Variants in SLC26A5 observed in about 807,000 individuals in gnomAD.
SLC26A5 encodes the protein prestin.
Under a neutral mutation model 81.0 loss-of-function variants are expected in SLC26A5, and 51 were observed. That is an observed-to-expected ratio of 0.63 (90% CI 0.50 to 0.80). The LOEUF (loss-of-function observed/expected upper bound fraction) is 0.80. Among genes scored for constraint, SLC26A5 ranks in the 30% least tolerant of loss-of-function variants. SLC26A5 has a pLI of 0.00. For synonymous variants in SLC26A5, 325 were observed against 332.8 expected (o/e 0.98, Z 0.25); for missense variants, 771 against 905.8 (o/e 0.85, Z 1.91).
At chr7:103,366,264 A>T in intron 19 of SLC26A5, 6 of 1,031,716 alleles carry the variant, frequency 5.8e-6, no homozygotes, top group Non-Finnish European at 8.8e-6. Context: ...TTTTAACTCC[A>T]ACTCTTCTAT....
Position 103,413,042 on chromosome 7 carries a change from G to A in SLC26A5, c.363C>T (p.Ile121=). The part of the protein sequence containing the change: ...FGLYSSFYPV[I]MYCFLGTSRH... The stretch of plus-strand genomic sequence containing the variant: ...TGGAGGTTCCAAGAAAACAATACAT[G>A]ATAACAGGGTAAAATGAAGAGTACA... The change falls in exon 5 of 20, where the codon ATC becomes ATT. Residue 121 remains isoleucine (I), a synonymous_variant. Coordinates refer to ENST00000306312, the MANE Select transcript of SLC26A5 (RefSeq NM_198999.3). 1 of 1,613,718 alleles carries A rather than the reference G, an allele frequency of 6.2e-7. No individual in the cohort carries two copies. The highest frequency in any genetic ancestry group is 8.5e-7 in the Non-Finnish European group (1 of 1,179,686).
intron 8 of SLC26A5, among the ~76,000 whole-genome samples, chr7:103,399,409 G>A (rs10232975): frequency 0.025 from 3,797 of 152,174 alleles, 148 homozygotes; most frequent in African/African-American, 0.087. Context: ...GATACATTTC[G>A]TTTTGTTTTG....
intron 19 of SLC26A5, among the ~76,000 whole-genome samples, chr7:103,364,974 TATATATA>T (rs1195252454): frequency 7.6e-5 from 11 of 145,148 alleles, no homozygotes; most frequent in Non-Finnish European, 1.4e-4. Flanking sequence ...TATATATATA[TATATATA>T]TATTTAGAGA....
intron 4 of SLC26A5, among the ~76,000 whole-genome samples, chr7:103,420,289 CTTTTTTTT>C (rs35755959): frequency 4.4e-5 from 4 of 90,578 alleles, no homozygotes; most frequent in Admixed American, 2.7e-4. Flanking sequence ...ATCCCTGGAG[CTTTTTTTT>C]TTTTTTTTTT....
At chr7:103,427,428 A>G (rs1051481226) in intron 2 of SLC26A5, among the ~76,000 whole-genome samples, 1 of 151,608 alleles carries the variant, frequency 6.6e-6, no homozygotes, top group Non-Finnish European at 1.5e-5. Context: ...CACTTTGTAG[A>G]TGAGAAAATG....
intron 9 of SLC26A5, among the ~76,000 whole-genome samples, chr7:103,397,401 C>T (rs1218395964): frequency 1.5e-4 from 23 of 151,342 alleles, no homozygotes; most frequent in Middle Eastern, 3.4e-3. Flanking sequence ...ATCAGCCGGG[C>T]GTGGTGGCGG....
At chr7:103,375,173 T>C (rs1449059667) in intron 19 of SLC26A5, among the ~76,000 whole-genome samples, 1 of 149,662 alleles carries the variant, frequency 6.7e-6, no homozygotes, top group Non-Finnish European at 1.5e-5. Flanking sequence ...TATATATATA[T>C]AAACTATATA....
intron 14 of SLC26A5, among the ~76,000 whole-genome samples, chr7:103,385,931 C>CTTTTT (rs201817253): frequency 9.0e-5 from 13 of 144,578 alleles, no homozygotes; most frequent in African/African-American, 3.1e-4. Flanking sequence ...TTTTTTCTTT[C>CTTTTT]TTTCTTTTTT....
intron 19 of SLC26A5, chr7:103,354,806 C>A: frequency 9.6e-7 from 1 of 1,045,414 alleles, no homozygotes; most frequent in Non-Finnish European, 1.5e-6. Flanking sequence ...TAATTTTTAC[C>A]TGTAGTTTTA....
chr7:103,421,244 G>T, intron 3 of SLC26A5, 119 bp downstream of exon 3: 2 of 1,143,038 alleles, frequency 1.7e-6, no homozygotes, highest in Non-Finnish European at 2.6e-6. Flanking sequence ...TGCAAACCAT[G>T]ATGGCTCAGC....
chr7:103,442,701 C>A (rs1384241889), intron 2 of SLC26A5, among the ~76,000 whole-genome samples: 1 of 152,188 alleles, frequency 6.6e-6, no homozygotes, highest in African/African-American at 2.4e-5. Flanking sequence ...AAGAATTTAA[C>A]TAACCTGTGA....
chr7:103,372,034 C>T (rs901711516), downstream of SLC26A5, among the ~76,000 whole-genome samples: 1 of 152,176 alleles, frequency 6.6e-6, no homozygotes, highest in Non-Finnish European at 1.5e-5. Context: ...TTAAATTCTA[C>T]TTAAATGGCT....
At position 103,374,474 on chromosome 7, in the gene SLC26A5, A is replaced by G. The variant is rs1330244995; in HGVS notation, c.2160T>C (p.Ala720=). 2.5e-6 allele frequency: 4 copies of G among 1,613,564 alleles called. No individual in the cohort carries two copies. The South Asian group carries it at 4.4e-5, about 18-fold the overall frequency. ...VLGSQLREAL[A]EQEASAPPSQ... ...AAGGGGGAGCCGAGGCTTCCTGTTC[A>G]GCAAGTGCCTCTCTAAGTTGGCTGC... Residue 720 remains alanine, a synonymous_variant, in exon 20 of 20, where the codon GCT becomes GCC. Coordinates refer to ENST00000306312, the MANE Select transcript of SLC26A5 (RefSeq NM_198999.3).
At chr7:103,361,209 TGTG>T (rs1375827670) in intron 19 of SLC26A5, among the ~76,000 whole-genome samples, 3 of 151,234 alleles carry the variant, frequency 2.0e-5, no homozygotes, top group African/African-American at 7.3e-5. Flanking sequence ...AAAGTCCGGG[TGTG>T]GTGGCTCACG....
At chr7:103,432,952 AC>A (rs954985230) in intron 2 of SLC26A5, among the ~76,000 whole-genome samples, 1 of 152,048 alleles carries the variant, frequency 6.6e-6, no homozygotes, top group Non-Finnish European at 1.5e-5. Context: ...ATAATTTTGA[AC>A]CTAATTTCTG....
At chr7:103,365,877 G>A (rs376297931) in intron 19 of SLC26A5, among the ~76,000 whole-genome samples, 6 of 151,640 alleles carry the variant, frequency 4.0e-5, no homozygotes, top group South Asian at 4.2e-4. Flanking sequence ...GCAGTGAGCC[G>A]AGCTCGCACC....
chr7:103,405,884 G>A (rs1824008347), intron 8 of SLC26A5, among the ~76,000 whole-genome samples: 1 of 152,188 alleles, frequency 6.6e-6, no homozygotes, highest in Non-Finnish European at 1.5e-5. Context: ...GCCCAGAGAG[G>A]AGGAATCTAG....
intron 2 of SLC26A5, among the ~76,000 whole-genome samples, chr7:103,429,624 C>T (rs989986839): frequency 6.6e-6 from 1 of 152,200 alleles, no homozygotes. Flanking sequence ...AATATATTAT[C>T]TATCTGTTTT....
chr7:103,434,116 C>G (rs1826278670), intron 2 of SLC26A5, among the ~76,000 whole-genome samples: 1 of 152,148 alleles, frequency 6.6e-6, no homozygotes, highest in Non-Finnish European at 1.5e-5. Context: ...TTGCTTTATA[C>G]CCTCATTTTG....
Sources: gnomAD v4.1 joint callset for allele counts (sites outside exome capture counted in the v4.1 genomes callset) on GRCh38, gnomAD v4.1.1 for gene constraint, MANE v1.5 for transcripts, NCBI Gene and HGNC (gene_info 2026-07-23, HGNC 2026-07-21) for gene names.